Variants in RALYL observed in about 807,000 individuals in gnomAD.
The protein encoded by RALYL is RALY RNA binding protein like, also known as RNA-binding Raly-like protein.
Under a neutral mutation model 35.1 loss-of-function variants are expected in RALYL, and 29 were observed. That is an observed-to-expected ratio of 0.83 (90% CI 0.61 to 1.13). RALYL has a LOEUF of 1.13. RALYL is among the 50% of genes most tolerant of loss of function. The probability of loss-of-function intolerance (pLI) is 0.00; values close to 1 mark genes in which losing one functional copy is unlikely to be tolerated. For missense variants in RALYL, 359 were observed against 360.4 expected (o/e 1.00, Z 0.03); for synonymous variants, 120 against 127.6 (o/e 0.94, Z 0.40).
At chr8:84,445,192 A>G (rs1020206477) in intron 1 of RALYL, among the ~76,000 whole-genome samples, 1 of 152,066 alleles carries the variant, frequency 6.6e-6, no homozygotes, top group Non-Finnish European at 1.5e-5. Flanking sequence ...CTTAATTTCA[A>G]AGACGTTAAA....
chr8:84,242,557 G>T (rs1828172487), intron 1 of RALYL, among the ~76,000 whole-genome samples: 1 of 152,048 alleles, frequency 6.6e-6, no homozygotes, highest in African/African-American at 2.4e-5. Context: ...GAGATATTTT[G>T]ATTTTGATTT....
chr8:84,461,462 A>G (rs2050762698), intron 1 of RALYL, among the ~76,000 whole-genome samples: 1 of 151,720 alleles, frequency 6.6e-6, no homozygotes, highest in Non-Finnish European at 1.5e-5. Flanking sequence ...TGTTTTCAGC[A>G]TAATTGACAA....
intron 2 of RALYL, 109 bp from the exon 3 acceptor site, chr8:84,774,470 C>A (rs2133588804): frequency 1.4e-6 from 1 of 712,888 alleles, no homozygotes; most frequent in South Asian, 1.8e-5. Context: ...CAATGGTGTA[C>A]AATATTTGCA....
chr8:84,455,578 G>T (rs139033677), intron 1 of RALYL, among the ~76,000 whole-genome samples: 225 of 151,870 alleles, frequency 1.5e-3, no homozygotes, highest in African/African-American at 5.2e-3. Context: ...AGCCATTCAG[G>T]GTTTAAATAT....
At chr8:84,735,809 CGCGAGAGAGAGA>C (rs1395186141) in intron 2 of RALYL, among the ~76,000 whole-genome samples, 23 of 119,112 alleles carry the variant, frequency 1.9e-4, no homozygotes, top group African/African-American at 5.7e-4. Context: ...TCATCCAAAC[CGCGAGAGAGAGA>C]GAGAGAGAGA....
chr8:84,662,028 A>G (rs529998741), intron 2 of RALYL, among the ~76,000 whole-genome samples: 6 of 152,008 alleles, frequency 3.9e-5, no homozygotes, highest in Non-Finnish European at 8.8e-5. Context: ...AAGACCTCCA[A>G]ATTTAGTTCT....
At chr8:84,496,801 T>C (rs1157710772) in intron 1 of RALYL, among the ~76,000 whole-genome samples, 1 of 152,136 alleles carries the variant, frequency 6.6e-6, no homozygotes, top group Non-Finnish European at 1.5e-5. Context: ...CACTAAATAA[T>C]GTAATTGCAG....
chr8:84,907,042 A>G, intron 8 of RALYL: 1 of 841,488 alleles, frequency 1.2e-6, no homozygotes, highest in Non-Finnish European at 1.4e-6. Context: ...TTCACCTGGA[A>G]TCTGATAAGT....
intron 2 of RALYL, 104 bp downstream of exon 2, chr8:84,529,681 C>T (rs2059148337): frequency 1.2e-6 from 1 of 862,878 alleles, no homozygotes; most frequent in African/African-American, 1.7e-5. Context: ...TCTTCTTTAA[C>T]CAATTAGAGT....
intron 1 of RALYL, among the ~76,000 whole-genome samples, chr8:84,215,588 A>G (rs970144946): frequency 2.6e-5 from 4 of 151,630 alleles, no homozygotes; most frequent in African/African-American, 9.7e-5. Flanking sequence ...CTCCTCTGCA[A>G]TTTACATCTT....
At chr8:84,573,792 C>T (rs1808639002) in intron 2 of RALYL, among the ~76,000 whole-genome samples, 1 of 151,906 alleles carries the variant, frequency 6.6e-6, no homozygotes, top group African/African-American at 2.4e-5. Flanking sequence ...GTTAAATCAG[C>T]TATTAATCCC....
At chr8:84,354,355 C>G (rs563622986) in intron 1 of RALYL, among the ~76,000 whole-genome samples, 1 of 150,410 alleles carries the variant, frequency 6.6e-6, no homozygotes, top group South Asian at 2.1e-4. Context: ...AAAATCAACT[C>G]TAGACAGCTC....
chr8:84,710,584 G>T (rs1213339793), intron 2 of RALYL, among the ~76,000 whole-genome samples: 1 of 149,190 alleles, frequency 6.7e-6, no homozygotes, highest in Admixed American at 6.6e-5. Flanking sequence ...TTACAGTTGT[G>T]AGCCACTGCA....
At chr8:84,493,459 A>G (rs1376473244) in intron 1 of RALYL, among the ~76,000 whole-genome samples, 2 of 152,150 alleles carry the variant, frequency 1.3e-5, no homozygotes, top group African/African-American at 4.8e-5. Flanking sequence ...GTCAAATGGT[A>G]TTTCTGGTTC....
chr8:84,743,824 A>G (rs1807951986), intron 2 of RALYL, among the ~76,000 whole-genome samples: 1 of 152,106 alleles, frequency 6.6e-6, no homozygotes, highest in Admixed American at 6.6e-5. Flanking sequence ...ACGCTAACTG[A>G]AATAAACCAG....
At chr8:84,323,165 A>G (rs1845191709) in intron 1 of RALYL, among the ~76,000 whole-genome samples, 1 of 152,098 alleles carries the variant, frequency 6.6e-6, no homozygotes, top group African/African-American at 2.4e-5. Context: ...GTCTTCATAA[A>G]TAGAAGTTGT....
intron 2 of RALYL, among the ~76,000 whole-genome samples, chr8:84,664,425 T>C (rs563250854): frequency 6.6e-5 from 10 of 152,180 alleles, no homozygotes; most frequent in African/African-American, 2.4e-4. Context: ...CCTTGGACAG[T>C]ATGACTATTT....
At chr8:84,848,352 ATAT>A (rs940190589) in intron 4 of RALYL, among the ~76,000 whole-genome samples, 7 of 151,676 alleles carry the variant, frequency 4.6e-5, no homozygotes, top group African/African-American at 1.7e-4. Context: ...TATTTTAATA[ATAT>A]TCTATTGGAG....
intron 1 of RALYL, among the ~76,000 whole-genome samples, chr8:84,369,007 C>T (rs889818823): frequency 6.6e-6 from 1 of 152,146 alleles, no homozygotes; most frequent in Non-Finnish European, 1.5e-5. Context: ...AAGCTTTTAA[C>T]TTTAAAAAGG....
Sources: allele counts gnomAD v4.1 joint callset (sites outside exome capture counted in the v4.1 genomes callset), GRCh38; gene constraint gnomAD v4.1.1; transcripts MANE v1.5; gene names NCBI Gene and HGNC (gene_info 2026-07-23, HGNC 2026-07-21).